The following KCNJ6 variants were observed in gnomAD, a reference collection of about 807,000 sequenced individuals.
KCNJ6 encodes the protein G protein-activated inward rectifier potassium channel 2.
Under a neutral mutation model 34.2 loss-of-function variants are expected in KCNJ6, and 9 were observed. The observed-to-expected ratio is 0.26, with a 90% CI of 0.16 to 0.46. The LOEUF (loss-of-function observed/expected upper bound fraction) is 0.46, where lower values mean the gene tolerates loss of function less well. Among genes scored for constraint, KCNJ6 ranks in the 20% least tolerant of loss-of-function variants. The pLI, the probability that KCNJ6 is intolerant of heterozygous loss-of-function variation, is 1.00. For missense variants in KCNJ6, 236 were observed against 531.3 expected, an observed-to-expected ratio of 0.44 and a Z score of 5.46; for synonymous variants, 196 against 207.1, an observed-to-expected ratio of 0.95 and a Z score of 0.46.
At position 37,881,948 on chromosome 21, in the gene KCNJ6, A is replaced by T. The variant is rs142189845; in HGVS notation, c.-28+33936T>A. Among the ~76,000 whole-genome samples, 432 of 152,262 alleles carry T rather than the reference A, an allele frequency of 2.8e-3. 3 individuals carry two copies. Among genetic ancestry groups the T allele is most frequent in the Non-Finnish European group, 3.4e-3 (231 of 68,014 alleles). The stretch of plus-strand genomic sequence containing the variant: ...CCAACAGGAGGAAATTTGTGACCAG[A>T]GACTTGGGGGTCTCACAGCTAAAGC... On this transcript the variant is annotated intron_variant, in intron 1 of 3. Coordinates refer to ENST00000609713, the MANE Select transcript of KCNJ6 (RefSeq NM_002240.5).
At chr21:37,721,453 C>G (rs1359355021) in intron 2 of KCNJ6, among the ~76,000 whole-genome samples, 1 of 152,164 alleles carries the variant, frequency 6.6e-6, no homozygotes, top group Non-Finnish European at 1.5e-5. Context: ...AGCAGGGGCT[C>G]AAACAGATAC....
chr21:37,609,447 G>A lies in KCNJ6; in HGVS notation c.*15712C>T, dbSNP rs903983986. The A allele has an allele frequency of 1.3e-5, 2 of 152,116 alleles. No homozygotes were observed. The highest frequency in any genetic ancestry group is 4.8e-5 in the African/African-American group (2 of 41,410). The allele number at this position is 152,116 out of a possible 1,614,324, so 9.4% of individuals were successfully genotyped here. On this transcript the variant is annotated 3_prime_UTR_variant, in exon 4 of 4. Coordinates refer to ENST00000609713, the MANE Select transcript of KCNJ6 (RefSeq NM_002240.5). ...ACTGCTAGAGACTTTTGAACTAATAGCTTTCTGGAATAATTTTCTATCCTA... is the reference window on the plus strand; with the variant it reads ...ACTGCTAGAGACTTTTGAACTAATAACTTTCTGGAATAATTTTCTATCCTA...
At chr21:37,870,065 C>T (rs1165935199) in intron 1 of KCNJ6, among the ~76,000 whole-genome samples, 1 of 152,226 alleles carries the variant, frequency 6.6e-6, no homozygotes, top group African/African-American at 2.4e-5. Flanking sequence ...GGAGAACACA[C>T]TTCTCTGAGT....
At chr21:37,647,895 A>G (rs779922168) in intron 3 of KCNJ6, among the ~76,000 whole-genome samples, 17 of 152,136 alleles carry the variant, frequency 1.1e-4, no homozygotes, top group Non-Finnish European at 2.4e-4. Context: ...CAGCATCTAT[A>G]CCTTGGTTTA....
intron 2 of KCNJ6, among the ~76,000 whole-genome samples, chr21:37,769,104 G>C (rs908460393): frequency 6.6e-6 from 1 of 152,172 alleles, no homozygotes; most frequent in African/African-American, 2.4e-5. Flanking sequence ...CAGATGCTGC[G>C]CACGGGGTGA....
At chr21:37,636,895 G>A (rs926621380) in intron 3 of KCNJ6, among the ~76,000 whole-genome samples, 15 of 152,174 alleles carry the variant, frequency 9.9e-5, no homozygotes, top group Non-Finnish European at 2.2e-4. Flanking sequence ...TGGAGGATAT[G>A]ATTCCAATAA....
At chr21:37,816,803 G>A (rs1207765967) in intron 2 of KCNJ6, among the ~76,000 whole-genome samples, 1 of 152,134 alleles carries the variant, frequency 6.6e-6, no homozygotes, top group Non-Finnish European at 1.5e-5. Context: ...AGGGTAGCTG[G>A]TGGGCCTTCC....
rs2054285612 is a variant in KCNJ6, at chr21:37,620,113, A to G, written c.*5046T>C. On this transcript the variant is annotated 3_prime_UTR_variant, in exon 4 of 4. Coordinates refer to ENST00000609713, the MANE Select transcript of KCNJ6 (RefSeq NM_002240.5). Reference sequence around the variant, plus strand: ...GCTAGAAAAAAAGTCATTCTTCTATATTGCCTAGGACTCTCTTAAGAGTAC... The same window carrying G: ...GCTAGAAAAAAAGTCATTCTTCTATGTTGCCTAGGACTCTCTTAAGAGTAC... 6.6e-6 allele frequency: 1 copy of G among 152,164 alleles called. No individual in the cohort carries two copies. Among genetic ancestry groups the G allele is most frequent in the Non-Finnish European group, 1.5e-5 (1 of 68,038 alleles). The allele number at this position is 152,164 out of a possible 1,614,324, so 9.4% of individuals were successfully genotyped here. A position where few individuals can be genotyped will look rare whatever the true frequency, so the allele number is the denominator to read the frequency against.
chr21:37,794,257 A>G (rs562631893), intron 2 of KCNJ6, among the ~76,000 whole-genome samples: 85 of 152,308 alleles, frequency 5.6e-4, no homozygotes, highest in Middle Eastern at 3.4e-3. Flanking sequence ...TCATACATAG[A>G]TAGTGGTTAA....
At chr21:37,722,039 T>TA (rs1159886986) in intron 2 of KCNJ6, among the ~76,000 whole-genome samples, 1 of 152,150 alleles carries the variant, frequency 6.6e-6, no homozygotes, top group East Asian at 1.9e-4. Flanking sequence ...ATTCTATACC[T>TA]AAAAAATACT....
chr21:37,849,860 C>A (rs1249576607), intron 1 of KCNJ6, among the ~76,000 whole-genome samples: 1 of 152,194 alleles, frequency 6.6e-6, no homozygotes, highest in Non-Finnish European at 1.5e-5. Context: ...AGGAAATAGT[C>A]TTGACAACTC....
chr21:37,667,596 G>T (rs1337548414), intron 3 of KCNJ6, among the ~76,000 whole-genome samples: 1 of 150,640 alleles, frequency 6.6e-6, no homozygotes, highest in Non-Finnish European at 1.5e-5. Context: ...GGTAGCAGGA[G>T]CCAGGGTAGC....
At chr21:37,720,996 C>G (rs1006356273) in intron 2 of KCNJ6, among the ~76,000 whole-genome samples, 2 of 152,012 alleles carry the variant, frequency 1.3e-5, no homozygotes, top group African/African-American at 4.8e-5. Context: ...CGTGAGCCAC[C>G]GCGCCCGGCC....
chr21:37,655,215 GTGTGTGTGTGAGAGAGAGAGAGA>G (rs1569438867), intron 3 of KCNJ6, among the ~76,000 whole-genome samples: 7 of 35,624 alleles, frequency 2.0e-4, no homozygotes, highest in African/African-American at 4.0e-4. Flanking sequence ...GTGTGTGTGT[GTGTGTGTGTGAGAGAGAGAGAGA>G]GAGAGAGAGA....
chr21:37,629,469 G>A (rs2123365675), intron 3 of KCNJ6, among the ~76,000 whole-genome samples: 1 of 152,214 alleles, frequency 6.6e-6, no homozygotes, highest in Admixed American at 6.5e-5. Flanking sequence ...TTTGAGATGG[G>A]ATCTTTAAAG....
intron 1 of KCNJ6, among the ~76,000 whole-genome samples, chr21:37,875,460 A>G (rs1251875949): frequency 6.6e-6 from 1 of 152,132 alleles, no homozygotes; most frequent in East Asian, 1.9e-4. Context: ...GTGGGGACAG[A>G]GTGAGCAGCC....
intron 3 of KCNJ6, among the ~76,000 whole-genome samples, chr21:37,655,215 GTGTGTGTGT>G (rs1569438864): frequency 4.8e-4 from 17 of 35,542 alleles, no homozygotes; most frequent in East Asian, 1.4e-3. Flanking sequence ...GTGTGTGTGT[GTGTGTGTGT>G]GAGAGAGAGA....
At chr21:37,733,336 G>C (rs921163937) in intron 2 of KCNJ6, among the ~76,000 whole-genome samples, 1 of 152,118 alleles carries the variant, frequency 6.6e-6, no homozygotes, top group Non-Finnish European at 1.5e-5. Context: ...GGTATTTCGG[G>C]GGTCTTTTGA....
chr21:37,806,275 G>A (rs2123536866), intron 2 of KCNJ6, among the ~76,000 whole-genome samples: 1 of 152,316 alleles, frequency 6.6e-6, no homozygotes, highest in East Asian at 1.9e-4. Flanking sequence ...TTTCAACTCT[G>A]AGTTAATGAA....
Sources: gnomAD v4.1 joint callset for allele counts (sites outside exome capture counted in the v4.1 genomes callset) on GRCh38, gnomAD v4.1.1 for gene constraint, MANE v1.5 for transcripts, NCBI Gene and HGNC (gene_info 2026-07-23, HGNC 2026-07-21) for gene names.